SYNE2: variants seen among roughly 807,000 people sequenced by gnomAD.
SYNE2 encodes the protein spectrin repeat containing nuclear envelope protein 2.
A neutral mutation model predicts 856.3 loss-of-function variants in SYNE2; 431 were observed. The ratio of observed to expected loss-of-function variants is 0.50; its 90% CI spans 0.47 to 0.55. The LOEUF (loss-of-function observed/expected upper bound fraction) is 0.55. SYNE2 is among the 20% of genes least tolerant of loss of function. SYNE2 has a pLI of 0.00. For synonymous variants in SYNE2, 2,923 were observed against 2,872.3 expected, an observed-to-expected ratio of 1.02 and a Z score of -0.56; for missense variants, 8,129 against 8,023.2, an observed-to-expected ratio of 1.01 and a Z score of -0.50.
At chr14:64,158,526 T>C in intron 85 of SYNE2, 99 bp from the exon 86 acceptor site, 1 of 1,340,926 alleles carries the variant, frequency 7.5e-7, no homozygotes, top group Non-Finnish European at 1.1e-6. Context: ...TTCAATACTC[T>C]CAAATTGAAA....
intron 45 of SYNE2, among the ~76,000 whole-genome samples, chr14:64,041,348 G>A (rs2097146765): frequency 6.6e-6 from 1 of 152,086 alleles, no homozygotes; most frequent in South Asian, 2.1e-4. Context: ...GATTAAAACA[G>A]TATGCTTTTG....
intron 8 of SYNE2, among the ~76,000 whole-genome samples, 186 bp from the exon 9 acceptor site, chr14:63,961,339 A>C (rs1031651517): frequency 2.0e-5 from 3 of 152,244 alleles, no homozygotes; most frequent in African/African-American, 7.2e-5. Flanking sequence ...GTATAGATCT[A>C]AACTCTTAGC....
At chr14:63,963,549 G>C (rs1255887) in intron 9 of SYNE2, among the ~76,000 whole-genome samples, 1 of 151,900 alleles carries the variant, frequency 6.6e-6, no homozygotes, top group Non-Finnish European at 1.5e-5. Context: ...CAGTGTTTTT[G>C]CAGGGTGTGA....
intron 11 of SYNE2, among the ~76,000 whole-genome samples, chr14:63,970,562 A>AG (rs1462220801): frequency 6.6e-6 from 1 of 151,298 alleles, no homozygotes; most frequent in South Asian, 2.1e-4. Context: ...AGTTCAATTT[A>AG]GGTATATCAT....
intron 2 of SYNE2, among the ~76,000 whole-genome samples, chr14:63,919,256 G>A (rs1365579334): frequency 6.6e-6 from 1 of 152,172 alleles, no homozygotes; most frequent in Non-Finnish European, 1.5e-5. Context: ...GTACATCAGC[G>A]TATGGTAAAG....
At chr14:64,210,507 C>A (rs1329875668) in intron 103 of SYNE2, among the ~76,000 whole-genome samples, 1 of 150,606 alleles carries the variant, frequency 6.6e-6, no homozygotes, top group African/African-American at 2.4e-5. Flanking sequence ...TTTTATGGGA[C>A]CCCCCCCAGC....
At chr14:63,884,382 A>T (rs1047994272) in intron 1 of SYNE2, among the ~76,000 whole-genome samples, 3 of 152,162 alleles carry the variant, frequency 2.0e-5, no homozygotes, top group African/African-American at 7.2e-5. Flanking sequence ...TCTGTCCAGT[A>T]ACTCCTTGCA....
chr14:63,996,902 G>C (rs1274641997), intron 23 of SYNE2, 45 bp from the exon 24 acceptor site: 2 of 1,576,172 alleles, frequency 1.3e-6, no homozygotes, highest in Non-Finnish European at 1.7e-6. Flanking sequence ...GAATAATCAT[G>C]TAAACTCACC....
At chr14:63,788,094 G>T (rs113305509) in intron 1 of SYNE2, among the ~76,000 whole-genome samples, 1 of 152,350 alleles carries the variant, frequency 6.6e-6, no homozygotes, top group Non-Finnish European at 1.5e-5. Context: ...TATAAGCACT[G>T]CCGCAAGCTT....
intron 48 of SYNE2, among the ~76,000 whole-genome samples, chr14:64,054,220 G>GTAGTCT (rs2097251219): frequency 6.6e-6 from 1 of 152,000 alleles, no homozygotes. Flanking sequence ...TGTTTTCCTC[G>GTAGTCT]TAGTCTCTGT....
intron 1 of SYNE2, among the ~76,000 whole-genome samples, chr14:63,885,340 T>C (rs1420860950): frequency 6.6e-6 from 1 of 152,178 alleles, no homozygotes; most frequent in Non-Finnish European, 1.5e-5. Context: ...TGTCTCTCTG[T>C]GAAGTTGGCG....
Position 63,990,438 on chromosome 14 carries a change from G to A in SYNE2, c.2341G>A (p.Asp781Asn), listed in dbSNP as rs1466567907. 15 of 1,613,182 alleles carry A rather than the reference G, an allele frequency of 9.3e-6. No individual in the cohort carries two copies. Among genetic ancestry groups the A allele is most frequent in the Non-Finnish European group, 1.2e-5 (14 of 1,179,910 alleles). ...TCTTATTGCCAAAGGCTCTATGTTT[G>A]ATGAGCTTATGGCAAGAAGTGAAGA... is the stretch of plus-strand genomic sequence containing the variant. ...KHLIAKGSMF[D>N]ELMARSEDML... Residue 781 changes from aspartate to asparagine, a missense_variant, in exon 20 of 116, where the codon GAT becomes AAT. Asp to Asn is a conservative substitution (Grantham distance 23, BLOSUM62 1). Coordinates refer to ENST00000555002, the MANE Select transcript of SYNE2 (RefSeq NM_182914.3).
chr14:64,075,723 C>T lies in SYNE2; in HGVS notation c.10867-222C>T, dbSNP rs1595349953. ...ATGTCTTTTCTAGATAATGGTGTGA[C>T]ACTATGAAGAGATATCAAGTTTAAT... On this transcript the variant is annotated intron_variant, in intron 53 of 115. Transcript: ENST00000555002. 5.9e-6 allele frequency: 3 copies of T among 505,192 alleles called. No homozygotes were observed. In the East Asian group the frequency reaches 1.1e-4, roughly 19 times the overall value. 31.3% of individuals were successfully genotyped at this position (505,192 alleles called of 1,614,324 possible).
intron 1 of SYNE2, among the ~76,000 whole-genome samples, chr14:63,780,573 A>G (rs1277527861): frequency 6.6e-6 from 1 of 152,146 alleles, no homozygotes; most frequent in Non-Finnish European, 1.5e-5. Context: ...TACAGTTTCT[A>G]CTCTCTGCAA....
chr14:64,184,034 G>A (rs1285812860), intron 96 of SYNE2, among the ~76,000 whole-genome samples: 1 of 152,030 alleles, frequency 6.6e-6, no homozygotes, highest in Non-Finnish European at 1.5e-5. Flanking sequence ...CATGATTGTT[G>A]ACATTTTTAT....
At chr14:63,836,821 C>T (rs1889872914) in intron 1 of SYNE2, among the ~76,000 whole-genome samples, 1 of 152,176 alleles carries the variant, frequency 6.6e-6, no homozygotes, top group Non-Finnish European at 1.5e-5. Flanking sequence ...TAATATTCTT[C>T]CTCTGCTACA....
At chr14:63,813,479 C>T (rs1239269255) in intron 1 of SYNE2, among the ~76,000 whole-genome samples, 1 of 152,222 alleles carries the variant, frequency 6.6e-6, no homozygotes, top group Non-Finnish European at 1.5e-5. Context: ...ACCCTTGTGA[C>T]TTGAAATCAC....
At position 64,051,653 on chromosome 14, in the gene SYNE2, A is replaced by T; in HGVS notation, c.7740A>T (p.Lys2580Asn). 1 of 1,614,212 alleles carries T rather than the reference A, an allele frequency of 6.2e-7. No individual in the cohort carries two copies. The highest frequency in any genetic ancestry group is 1.1e-5 in the South Asian group (1 of 91,090). Residue 2580 changes from lysine (K) to asparagine (N), a missense_variant, in exon 48 of 116, where the codon AAA becomes AAT. By Grantham distance (94) the Lys-to-Asn change is moderately conservative. This residue lies in a region of SYNE2 where 5,410 missense variants were observed against 5,284.8 expected (regional missense o/e 1.02). Coordinates refer to ENST00000555002, the MANE Select transcript of SYNE2 (RefSeq NM_182914.3). ...ATTCTTTAGGCAACTTGAAAATCAA[A>T]TGGGAGAATTTATCAAACCACGTGA... Reference protein sequence around the residue: ...EKDSLGNLKIKWENLSNHVTD... With the variant: ...EKDSLGNLKINWENLSNHVTD...
intron 1 of SYNE2, among the ~76,000 whole-genome samples, chr14:63,764,938 A>G (rs939179806): frequency 1.3e-5 from 2 of 152,150 alleles, no homozygotes; most frequent in Non-Finnish European, 1.5e-5. Flanking sequence ...ACAGAGTAAG[A>G]CCTTGTCTCA....
Sources: allele counts gnomAD v4.1 joint callset (sites outside exome capture counted in the v4.1 genomes callset), GRCh38; gene constraint gnomAD v4.1.1; regional missense constraint gnomAD v4.1.1; transcripts MANE v1.5; gene names NCBI Gene and HGNC (gene_info 2026-07-23, HGNC 2026-07-21).